Variants in RPS6KA2 observed in about 807,000 individuals in gnomAD.
RPS6KA2 encodes the protein ribosomal protein S6 kinase A2, also known as ribosomal protein S6 kinase alpha-2.
In RPS6KA2, 42 loss-of-function variants were observed where a neutral mutation model predicts 91.8. The observed-to-expected ratio is 0.46, with a 90% CI of 0.36 to 0.59. The LOEUF (loss-of-function observed/expected upper bound fraction) is 0.59. Among genes scored for constraint, RPS6KA2 ranks in the 20% least tolerant of loss-of-function variants. RPS6KA2 has a pLI of 0.00. For missense variants in RPS6KA2, 798 were observed against 978.5 expected, an observed-to-expected ratio of 0.82 and a Z score of 2.46; for synonymous variants, 414 against 393.6, an observed-to-expected ratio of 1.05 and a Z score of -0.61.
chr6:166,834,308 CACACTCAT>C (rs889534387), intron 2 of RPS6KA2, among the ~76,000 whole-genome samples: 59 of 152,264 alleles, frequency 3.9e-4, no homozygotes, highest in Middle Eastern at 3.4e-3. Context: ...CATCTTTTCA[CACACTCAT>C]TTGCCGTTCT....
At chr6:166,506,837 G>A (rs186207029) in intron 5 of RPS6KA2, among the ~76,000 whole-genome samples, 26 of 152,224 alleles carry the variant, frequency 1.7e-4, no homozygotes, top group South Asian at 6.2e-4. Context: ...AAAGCACCTC[G>A]GCCACTCCTT....
intron 2 of RPS6KA2, among the ~76,000 whole-genome samples, chr6:166,795,946 C>A (rs141612268): frequency 8.5e-4 from 130 of 152,328 alleles, no homozygotes; most frequent in African/African-American, 3.0e-3. Flanking sequence ...CTTCTAGATG[C>A]TGTGGGGACC....
At chr6:166,527,499 T>G (rs1471147764) in intron 3 of RPS6KA2, among the ~76,000 whole-genome samples, 1 of 151,926 alleles carries the variant, frequency 6.6e-6, no homozygotes, top group Non-Finnish European at 1.5e-5. Flanking sequence ...GATGAAAGAG[T>G]GGGTTTTAGG....
At chr6:166,734,076 C>G (rs1790605606) in intron 2 of RPS6KA2, among the ~76,000 whole-genome samples, 1 of 152,090 alleles carries the variant, frequency 6.6e-6, no homozygotes, top group Non-Finnish European at 1.5e-5. Flanking sequence ...TTTTCCCCAA[C>G]AATAGGATAT....
At chr6:166,762,251 C>A (rs973240271) in intron 2 of RPS6KA2, among the ~76,000 whole-genome samples, 3 of 152,236 alleles carry the variant, frequency 2.0e-5, no homozygotes, top group Admixed American at 1.3e-4. Flanking sequence ...TTACCACATT[C>A]TCCCTCAGAC....
intron 1 of RPS6KA2, 38 bp from the exon 2 acceptor site, chr6:166,538,822 G>C: frequency 8.7e-7 from 1 of 1,155,728 alleles, no homozygotes; most frequent in Non-Finnish European, 1.3e-6. Flanking sequence ...CACACCGCGA[G>C]GAGTCCCTCA....
At position 166,419,921 on chromosome 6, in the gene RPS6KA2, A is replaced by T; in HGVS notation, c.1781T>A (p.Ile594Asn). Residue 594 changes from isoleucine (I) to asparagine (N), a missense_variant, in exon 18 of 21, where the codon ATC becomes AAC. Coordinates refer to ENST00000265678, the MANE Select transcript of RPS6KA2 (RefSeq NM_021135.6). The surrounding 1 kb of genome is among the most constrained non-coding windows in gnomAD (Gnocchi z 5.6). ...GTACAACAGGATCCCCAAACTCCAG[A>T]TGTCACACGCCGCATCATAGCCTTG... ...KRQGYDAACD[I>N]WSLGILLYTM... is the part of the protein sequence containing the mutation. 6.2e-7 allele frequency: 1 copy of T among 1,613,936 alleles called. No individual in the cohort carries two copies. Among genetic ancestry groups the T allele is most frequent in the Non-Finnish European group, 8.5e-7 (1 of 1,179,884 alleles).
At chr6:166,636,764 C>G (rs1787253814) in intron 2 of RPS6KA2, among the ~76,000 whole-genome samples, 1 of 152,232 alleles carries the variant, frequency 6.6e-6, no homozygotes, top group East Asian at 1.9e-4. Flanking sequence ...CAGGGTGTGG[C>G]CGAAGGGAAG....
chr6:166,413,938 G>A lies in RPS6KA2; in HGVS notation c.1939-7C>T. On this transcript the variant is annotated splice_polypyrimidine_tract_variant and splice_region_variant and intron_variant, in intron 19 of 20. Transcript: ENST00000265678. Reference sequence around the variant, plus strand: ...GCATCTTGGACACGACGTCCTGCCAGGGAAGGTCATGAGAGTCGGGGGGAT... The same window carrying A: ...GCATCTTGGACACGACGTCCTGCCAAGGAAGGTCATGAGAGTCGGGGGGAT... 6.2e-7 allele frequency: 1 copy of A among 1,613,330 alleles called. No individual in the cohort carries two copies. Among genetic ancestry groups the A allele is most frequent in the East Asian group, 2.2e-5 (1 of 44,876 alleles).
chr6:166,828,531 A>G (rs954215617), intron 2 of RPS6KA2, among the ~76,000 whole-genome samples: 3 of 152,270 alleles, frequency 2.0e-5, no homozygotes, highest in African/African-American at 7.2e-5. Context: ...TATCACATAA[A>G]AATCTAACAG....
At chr6:166,438,914 A>G (rs1779429528) in intron 14 of RPS6KA2, among the ~76,000 whole-genome samples, 2 of 152,200 alleles carry the variant, frequency 1.3e-5, no homozygotes, top group South Asian at 2.1e-4. Flanking sequence ...AAAGCGTCCA[A>G]TTAAAAAAAA....
At chr6:166,835,090 C>T (rs377395358) in intron 2 of RPS6KA2, among the ~76,000 whole-genome samples, 12 of 152,080 alleles carry the variant, frequency 7.9e-5, no homozygotes, top group South Asian at 2.1e-4. Context: ...TGAATTACAC[C>T]GACATCTGTG....
intron 1 of RPS6KA2, among the ~76,000 whole-genome samples, chr6:166,541,070 G>C (rs768659955): frequency 6.6e-6 from 1 of 152,152 alleles, no homozygotes; most frequent in Non-Finnish European, 1.5e-5. Flanking sequence ...ACTAGCACGC[G>C]CATGAGTCAT....
chr6:166,751,087 A>G (rs1394220479), intron 2 of RPS6KA2, among the ~76,000 whole-genome samples: 2 of 152,182 alleles, frequency 1.3e-5, no homozygotes, highest in Non-Finnish European at 2.9e-5. Flanking sequence ...AGTGCCCCCG[A>G]GCTGCAGGTG....
intron 14 of RPS6KA2, among the ~76,000 whole-genome samples, chr6:166,436,520 G>A (rs939432383): frequency 6.6e-6 from 1 of 152,216 alleles, no homozygotes; most frequent in African/African-American, 2.4e-5. Flanking sequence ...GGGGCTGCAT[G>A]GGGTGGGGAG....
chr6:166,624,476 C>T (rs117998310), intron 1 of RPS6KA2, among the ~76,000 whole-genome samples: 2,137 of 152,236 alleles, frequency 0.014, 39 homozygotes, highest in East Asian at 0.071. Context: ...AACACACAAA[C>T]GAACAGGCAG....
At chr6:166,451,056 T>A in intron 13 of RPS6KA2, 47 bp downstream of exon 13, 1 of 1,609,884 alleles carries the variant, frequency 6.2e-7, no homozygotes, top group Non-Finnish European at 8.5e-7. Flanking sequence ...TCACCCATCA[T>A]CCAAGTGCCC....
intron 2 of RPS6KA2, among the ~76,000 whole-genome samples, chr6:166,759,733 G>T (rs1424922189): frequency 6.6e-6 from 1 of 152,188 alleles, no homozygotes; most frequent in Non-Finnish European, 1.5e-5. Flanking sequence ...AGGCACTCCT[G>T]CTTCCTGGAA....
At chr6:166,782,092 A>G (rs1778788404) in intron 2 of RPS6KA2, among the ~76,000 whole-genome samples, 1 of 152,164 alleles carries the variant, frequency 6.6e-6, no homozygotes, top group African/African-American at 2.4e-5. Context: ...GGAGTTTGAG[A>G]CCAGCCTGGC....
Sources: allele counts gnomAD v4.1 joint callset (sites outside exome capture counted in the v4.1 genomes callset), GRCh38; gene constraint gnomAD v4.1.1; non-coding constraint Gnocchi (gnomAD v3.1); transcripts MANE v1.5; gene names NCBI Gene and HGNC (gene_info 2026-07-23, HGNC 2026-07-21).